Variants in WDFY4 observed in about 807,000 individuals in gnomAD.
WDFY4 encodes WD repeat- and FYVE domain-containing protein 4.
In WDFY4, 169 loss-of-function variants were observed where a neutral mutation model predicts 351.9. The ratio of observed to expected loss-of-function variants is 0.48; its 90% CI spans 0.42 to 0.55. The LOEUF is 0.55. WDFY4 is among the 20% of genes least tolerant of loss of function. The pLI is 0.00. For synonymous variants in WDFY4, 1,622 were observed against 1,574.6 expected (o/e 1.03, Z -0.71); for missense variants, 3,803 against 3,935.6 (o/e 0.97, Z 0.90).
chr10:48,889,008 A>C (rs1162238101), intron 43 of WDFY4, among the ~76,000 whole-genome samples: 1 of 152,234 alleles, frequency 6.6e-6, no homozygotes, highest in African/African-American at 2.4e-5. Flanking sequence ...AGCCTGGCTC[A>C]GTGCCTGCCA....
intron 23 of WDFY4, among the ~76,000 whole-genome samples, chr10:48,791,358 G>A (rs12220783): frequency 0.057 from 8,697 of 152,312 alleles, 591 homozygotes; most frequent in East Asian, 0.34. Context: ...TTGCAGTGAG[G>A]ATTAGATGAT....
chr10:48,776,263 A>G (rs927925062), intron 15 of WDFY4, among the ~76,000 whole-genome samples: 1 of 152,234 alleles, frequency 6.6e-6, no homozygotes, highest in East Asian at 1.9e-4. Flanking sequence ...AAACTCGTGG[A>G]CATCTTGAAT....
chr10:48,860,381 C>A (rs2069293554), intron 39 of WDFY4, among the ~76,000 whole-genome samples: 1 of 152,206 alleles, frequency 6.6e-6, no homozygotes, highest in Non-Finnish European at 1.5e-5. Context: ...GGCTAATTGT[C>A]TCCCTGGTGA....
intron 19 of WDFY4, among the ~76,000 whole-genome samples, chr10:48,784,306 A>T (rs1169538877): frequency 6.6e-6 from 1 of 152,202 alleles, no homozygotes; most frequent in Admixed American, 6.5e-5. Context: ...ATTTCCGCTA[A>T]CAATGGATGA....
intron 13 of WDFY4, among the ~76,000 whole-genome samples, chr10:48,762,111 G>T (rs754160018): frequency 2.6e-5 from 4 of 152,194 alleles, no homozygotes; most frequent in Admixed American, 1.3e-4. Flanking sequence ...GAGTTCAGAC[G>T]GAGGCAACAT....
intron 26 of WDFY4, 67 bp from the exon 27 acceptor site, chr10:48,805,936 CT>C: frequency 7.3e-7 from 1 of 1,375,764 alleles, no homozygotes; most frequent in Non-Finnish European, 1.0e-6. Context: ...TGTGAAAACA[CT>C]GGCATGTACT....
At chr10:48,862,891 C>A (rs1158667566) in intron 39 of WDFY4, among the ~76,000 whole-genome samples, 1 of 152,186 alleles carries the variant, frequency 6.6e-6, no homozygotes, top group East Asian at 1.9e-4. Flanking sequence ...TCCCTCTAGT[C>A]CTAAGCAATC....
chr10:48,760,635 G>T (rs2065474955), intron 13 of WDFY4, among the ~76,000 whole-genome samples, 195 bp downstream of exon 13: 1 of 152,184 alleles, frequency 6.6e-6, no homozygotes, highest in Non-Finnish European at 1.5e-5. Context: ...GCCCACCCTT[G>T]CAAGGCCATC....
chr10:48,688,552 A>T (rs12240597), intron 1 of WDFY4, among the ~76,000 whole-genome samples: 40,921 of 151,996 alleles, frequency 0.27, 5,664 homozygotes, highest in Middle Eastern at 0.37. Flanking sequence ...ATATTTTTAT[A>T]TTGTGTCAAT....
chr10:48,923,496 G>GTATTTATATATATATA (rs1839280373), intron 47 of WDFY4, among the ~76,000 whole-genome samples: 1 of 63,208 alleles, frequency 1.6e-5, no homozygotes, highest in Non-Finnish European at 4.2e-5. Flanking sequence ...ATAGTTTTTA[G>GTATTTATATATATATA]TATATATATA....
At chr10:48,727,048 C>T (rs2064293670) in intron 6 of WDFY4, among the ~76,000 whole-genome samples, 1 of 152,220 alleles carries the variant, frequency 6.6e-6, no homozygotes, top group South Asian at 2.1e-4. Context: ...ATCCAAAGCA[C>T]CCCATCTTTT....
chr10:48,869,897 G>A (rs539966857), intron 40 of WDFY4, among the ~76,000 whole-genome samples: 5 of 152,204 alleles, frequency 3.3e-5, no homozygotes, highest in Admixed American at 3.3e-4. Flanking sequence ...AGCTCTGTCA[G>A]TTAAAAATAT....
chr10:48,740,242 G>T (rs1312654548), intron 11 of WDFY4, among the ~76,000 whole-genome samples: 1 of 152,236 alleles, frequency 6.6e-6, no homozygotes, highest in Non-Finnish European at 1.5e-5. Flanking sequence ...CATAGGTCAG[G>T]TTCAGACGCG....
At chr10:48,778,423 AG>A (rs939891063) in intron 17 of WDFY4, among the ~76,000 whole-genome samples, 187 bp from the exon 18 acceptor site, 2 of 152,262 alleles carry the variant, frequency 1.3e-5, no homozygotes, top group Admixed American at 1.3e-4. Context: ...GACGGACCTC[AG>A]GGAGATCGAG....
At chr10:48,910,142 C>T in intron 47 of WDFY4, 1 of 1,196,600 alleles carries the variant, frequency 8.4e-7, no homozygotes, top group Non-Finnish European at 1.2e-6. Flanking sequence ...GAACATCTCA[C>T]TTGCCACTCT....
intron 1 of WDFY4, among the ~76,000 whole-genome samples, chr10:48,708,294 C>T (rs1288503524): frequency 1.3e-5 from 2 of 152,158 alleles, no homozygotes; most frequent in African/African-American, 2.4e-5. Context: ...GCTGGTTATC[C>T]TTGCCGGTGT....
intron 4 of WDFY4, 137 bp downstream of exon 4, chr10:48,721,504 C>G: frequency 1.3e-6 from 1 of 778,282 alleles, no homozygotes; most frequent in East Asian, 2.7e-5. Context: ...CTCCCTCCTC[C>G]CCTTCTGGTG....
intron 28 of WDFY4, among the ~76,000 whole-genome samples, chr10:48,809,917 C>T (rs569535189): frequency 3.9e-5 from 6 of 152,336 alleles, no homozygotes; most frequent in African/African-American, 1.4e-4. Flanking sequence ...AAGTCTGGGT[C>T]CTTTGCTGAA....
intron 47 of WDFY4, among the ~76,000 whole-genome samples, chr10:48,906,149 G>C (rs1195108592): frequency 3.3e-5 from 5 of 152,234 alleles, no homozygotes; most frequent in Non-Finnish European, 7.3e-5. Flanking sequence ...TCACTCTAAT[G>C]AATGTGGACT....
Sources: allele counts gnomAD v4.1 joint callset (sites outside exome capture counted in the v4.1 genomes callset), GRCh38; gene constraint gnomAD v4.1.1; transcripts MANE v1.5; gene names NCBI Gene and HGNC (gene_info 2026-07-23, HGNC 2026-07-21).